Variants in HMX2 observed in about 807,000 individuals in gnomAD.
HMX2 encodes the protein homeobox protein HMX2.
In HMX2, 15 loss-of-function variants were observed where a neutral mutation model predicts 21.2. The observed-to-expected ratio is 0.71, with a 90% confidence interval of 0.47 to 1.09. The LOEUF is 1.09. Ranked by LOEUF, HMX2 falls within the 50% of genes least tolerant of loss-of-function variation. The pLI is 0.00. For synonymous variants in HMX2, 193 were observed against 181.0 expected (o/e 1.07, Z -0.53); for missense variants, 440 against 381.5 (o/e 1.15, Z -1.28).
chr10:123,149,670 C>A lies in HMX2; in HGVS notation c.369C>A (p.Leu123=), dbSNP rs1017048723. 1 of 1,563,494 alleles carries A rather than the reference C, an allele frequency of 6.4e-7. No individual in the cohort carries two copies. Residue 123 remains leucine (L), a synonymous_variant, in exon 2 of 2, where the codon CTC becomes CTA. Coordinates refer to ENST00000339992, the MANE Select transcript of HMX2 (RefSeq NM_005519.2). This position sits in a 1 kb window ranked among gnomAD's most constrained non-coding sequence, Gnocchi z 5.4. ...ACTTTAAAGAAGAGAAAGAGAGGCT[C>A]CTGCCCGCGGGCTCGCCCTCGCCGG... is the stretch of plus-strand genomic sequence containing the variant. ...HSDFKEEKER[L]LPAGSPSPGS...
chr10:123,148,910 G>A (rs1239202905), intron 1 of HMX2, among the ~76,000 whole-genome samples: 1 of 152,196 alleles, frequency 6.6e-6, no homozygotes, highest in African/African-American at 2.4e-5. Flanking sequence ...AGAGGGACAC[G>A]CGGCCGGCCT....
chr10:123,148,689 G>A (rs201780975), intron 1 of HMX2, 43 bp downstream of exon 1: 86 of 1,583,402 alleles, frequency 5.4e-5, no homozygotes, highest in Non-Finnish European at 9.4e-6. Flanking sequence ...GCGAGCGCGA[G>A]GGGAGGGAGG....
Position 123,149,479 on chromosome 10 carries a change from G to A in HMX2, c.269-91G>A. The A allele has an allele frequency of 8.9e-7, 1 of 1,123,522 alleles. No individual in the cohort carries two copies. The highest frequency in any genetic ancestry group is 2.5e-5 in the South Asian group (1 of 39,440). 69.6% of individuals were successfully genotyped at this position (1,123,522 alleles called of 1,614,324 possible). On this transcript the variant is annotated intron_variant, in intron 1 of 1. Coordinates refer to ENST00000339992, the MANE Select transcript of HMX2 (RefSeq NM_005519.2). This position sits in a 1 kb window ranked among gnomAD's most constrained non-coding sequence, Gnocchi z 5.4. ...GTAAGGTGGGACCAAGGCTGCAGGC[G>A]CTTGCCAACCGCTTGGTCCCAGGGA... is the stretch of plus-strand genomic sequence containing the variant.
rs748362508 is a variant in HMX2 at position 123,148,541 on chromosome 10, G to C, written c.163G>C (p.Glu55Gln). 3.1e-6 allele frequency: 5 copies of C among 1,613,166 alleles called. No individual in the cohort carries two copies. Among genetic ancestry groups the C allele is most frequent in the Non-Finnish European group, 4.2e-6 (5 of 1,179,768 alleles). Residue 55 changes from glutamate to glutamine, a missense_variant, in exon 1 of 2, where the codon GAG becomes CAG. Transcript: ENST00000339992. The stretch of plus-strand genomic sequence containing the variant: ...CCTGTCCGTGTCCTCGGAGGAGGAG[G>C]AGCCGGACGACGGCTGGAAGGCGCC... ...RSLSVSSEEEEPDDGWKAPAC... is the reference protein window; with the variant it reads ...RSLSVSSEEEQPDDGWKAPAC...
Position 123,149,190 on chromosome 10 carries a change from CCAAA to C in HMX2, c.269-374_269-371del, listed in dbSNP as rs1249975572. ...CCTGCGTTAGTCCTTAGCGTGATTT[CCAAA>C]CAAACGGCCTGTGAAATGATGCCAC... On this transcript the variant is annotated intron_variant, in intron 1 of 1. Coordinates refer to ENST00000339992, the MANE Select transcript of HMX2 (RefSeq NM_005519.2). The surrounding 1 kb of genome is among the most constrained non-coding windows in gnomAD (Gnocchi z 5.4). Among the ~76,000 whole-genome samples, 1 of 152,166 alleles carries C rather than the reference CCAAA, an allele frequency of 6.6e-6. No individual in the cohort carries two copies. The highest frequency in any genetic ancestry group is 1.5e-5 in the Non-Finnish European group (1 of 68,030).
intron 1 of HMX2, among the ~76,000 whole-genome samples, chr10:123,148,892 C>A (rs775059957): frequency 6.6e-6 from 1 of 152,222 alleles, no homozygotes; most frequent in Non-Finnish European, 1.5e-5. Flanking sequence ...AGAGAGTGGA[C>A]CACAGCGAGA....
chr10:123,150,239 T>C lies in HMX2; in HGVS notation c.*116T>C, dbSNP rs921834819. On this transcript the variant is annotated 3_prime_UTR_variant, in exon 2 of 2. Coordinates refer to ENST00000339992, the MANE Select transcript of HMX2 (RefSeq NM_005519.2). The surrounding 1 kb of genome is among the most constrained non-coding windows in gnomAD (Gnocchi z 4.2). Reference sequence around the variant, plus strand: ...TCCAGAAATATGAAGAAATACACCATGTGTATTCATTAGCTCTTATTTATG... The same window carrying C: ...TCCAGAAATATGAAGAAATACACCACGTGTATTCATTAGCTCTTATTTATG... 1.9e-5 allele frequency: 15 copies of C among 805,160 alleles called. No individual in the cohort carries two copies. The African/African-American group carries it at 2.4e-4, about 13-fold the overall frequency. 49.9% of individuals were successfully genotyped at this position (805,160 alleles called of 1,614,324 possible).
chr10:123,149,247 C>G lies in HMX2; in HGVS notation c.269-323C>G, dbSNP rs1050718978. Reference sequence around the variant, plus strand: ...TATAAAGCTCGAGGAACTCTTCCAGCTCAATTACCACCAAGCAAATTCGCC... The same window carrying G: ...TATAAAGCTCGAGGAACTCTTCCAGGTCAATTACCACCAAGCAAATTCGCC... On this transcript the variant is annotated intron_variant, in intron 1 of 1. Coordinates refer to ENST00000339992, the MANE Select transcript of HMX2 (RefSeq NM_005519.2). This position sits in a 1 kb window ranked among gnomAD's most constrained non-coding sequence, Gnocchi z 5.4. Among the ~76,000 whole-genome samples, 2 of 152,222 alleles carry G rather than the reference C, an allele frequency of 1.3e-5. No homozygotes were observed. The highest frequency in any genetic ancestry group is 2.9e-5 in the Non-Finnish European group (2 of 68,044).
In HMX2 at chr10:123,148,601, G is replaced by A. The variant is rs1279450047; in HGVS notation, c.223G>A (p.Glu75Lys). 1.2e-6 allele frequency: 2 copies of A among 1,612,984 alleles called. No individual in the cohort carries two copies. The highest frequency in any genetic ancestry group is 1.7e-5 in the Admixed American group (1 of 59,942). ...CTGCCCAGACCAGCACGGCCCTAAG[G>A]AGCAGGGCCCCAAGCACCATCCCCC... ...CFCPDQHGPK[E>K]QGPKHHPPIP... is the part of the protein sequence containing the mutation. The change falls in exon 1 of 2, where the codon GAG becomes AAG. Residue 75 changes from glutamate (E) to lysine (K), a missense_variant. Transcript: ENST00000339992.
chr10:123,149,059 C>T lies in HMX2; in HGVS notation c.268+413C>T, dbSNP rs1844236522. On this transcript the variant is annotated intron_variant, in intron 1 of 1. Coordinates refer to ENST00000339992, the MANE Select transcript of HMX2 (RefSeq NM_005519.2). This position sits in a 1 kb window ranked among gnomAD's most constrained non-coding sequence, Gnocchi z 5.4. ...CTTCTTCCTCACTCGCTCCGTATCT[C>T]TGCCTTTCTCTCTCTCTCCTCCTTG... Among the ~76,000 whole-genome samples, 1 of 152,236 alleles carries T rather than the reference C, an allele frequency of 6.6e-6. No homozygotes were observed. Among genetic ancestry groups the T allele is most frequent in the African/African-American group, 2.4e-5 (1 of 41,452 alleles).
rs762558295 is a variant in HMX2 at position 123,150,108 on chromosome 10, C to G, written c.807C>G (p.Asn269Lys). ...LSALPLYNLYNKLDY is the reference protein window; with the variant it reads ...LSALPLYNLYKKLDY ...CCTTACCTCTCTACAACCTATACAA[C>G]AAGCTCGACTACTGACCGGCCCGCC... The change falls in exon 2 of 2, where the codon AAC (asparagine) becomes AAG (lysine). Residue 269 changes from asparagine to lysine, a missense_variant. Coordinates refer to ENST00000339992, the MANE Select transcript of HMX2 (RefSeq NM_005519.2). This position sits in a 1 kb window ranked among gnomAD's most constrained non-coding sequence, Gnocchi z 4.2. 6.4e-7 allele frequency: 1 copy of G among 1,564,512 alleles called. No individual in the cohort carries two copies. The highest frequency in any genetic ancestry group is 1.1e-5 in the South Asian group (1 of 87,616).
At position 123,149,494 on chromosome 10, in the gene HMX2, G is replaced by C. The variant is rs993700165; in HGVS notation, c.269-76G>C. The C allele has an allele frequency of 3.9e-6, 5 of 1,274,258 alleles. No homozygotes were observed. In the African/African-American group the frequency reaches 6.2e-5, roughly 16 times the overall value. The allele number at this position is 1,274,258 out of a possible 1,614,324, so 78.9% of individuals were successfully genotyped here. ...GGCTGCAGGCGCTTGCCAACCGCTT[G>C]GTCCCAGGGAGAGCTGGCGGTCTCC... On this transcript the variant is annotated intron_variant, in intron 1 of 1. Transcript: ENST00000339992. The surrounding 1 kb of genome is among the most constrained non-coding windows in gnomAD (Gnocchi z 5.4).
intron 1 of HMX2, 87 bp downstream of exon 1, chr10:123,148,733 C>G: frequency 6.6e-7 from 1 of 1,513,350 alleles, no homozygotes; most frequent in Non-Finnish European, 8.8e-7. Context: ...GCGCCGGGCC[C>G]CCTCTGGCCA....
Position 123,148,489 on chromosome 10 carries a change from C to G in HMX2, c.111C>G (p.Pro37=), listed in dbSNP as rs375117729. 30 of 1,612,346 alleles carry G rather than the reference C, an allele frequency of 1.9e-5. No individual in the cohort carries two copies. Among genetic ancestry groups the G allele is most frequent in the Non-Finnish European group, 2.5e-5 (29 of 1,179,280 alleles). ...GGGPSEAPRE[P]VGWPARKRSL... is the part of the protein sequence containing the mutation. ...GCCCCTCGGAGGCACCGCGGGAGCC[C>G]GTCGGCTGGCCAGCCAGGAAGCGCA... Residue 37 remains proline, a synonymous_variant, in exon 1 of 2, where the codon CCC becomes CCG. Coordinates refer to ENST00000339992, the MANE Select transcript of HMX2 (RefSeq NM_005519.2).
In HMX2 at chr10:123,148,193, G is replaced by T; in HGVS notation, c.-186G>T. ...GAGCCAGGCGGGCAGGAACCCCTGC[G>T]CAGCCATCCGGTGCCTGCATGTCCC... On this transcript the variant is annotated 5_prime_UTR_variant, in exon 1 of 2. Transcript: ENST00000339992. The T allele has an allele frequency of 1.6e-6, 1 of 624,936 alleles. No individual in the cohort carries two copies. The highest frequency in any genetic ancestry group is 3.1e-5 in the East Asian group (1 of 32,546). 38.7% of individuals were successfully genotyped at this position (624,936 alleles called of 1,614,324 possible).
In HMX2 at chr10:123,148,753, C is replaced by T. The variant is rs543854209; in HGVS notation, c.268+107C>T. On this transcript the variant is annotated intron_variant, in intron 1 of 1. Transcript: ENST00000339992. Reference sequence around the variant, plus strand: ...GGGCCCCCTCTGGCCAGAGCTGCGGCAGCCGGGGGTTCGGGACCGCGGGGA... The same window carrying T: ...GGGCCCCCTCTGGCCAGAGCTGCGGTAGCCGGGGGTTCGGGACCGCGGGGA... The T allele has an allele frequency of 1.7e-4, 240 of 1,409,600 alleles. 2 individuals are homozygous for T. In the African/African-American group the frequency reaches 2.7e-3, roughly 16 times the overall value. The allele number at this position is 1,409,600 out of a possible 1,614,324, so 87.3% of individuals were successfully genotyped here.
rs1301704349 is a variant in HMX2 at position 123,149,411 on chromosome 10, C to T, written c.269-159C>T. ...CTTGTCGCTTTTAAAGGACGGGGTG[C>T]TGGGTTTGGGGGGCCAGTGAGAGGG... On this transcript the variant is annotated intron_variant, in intron 1 of 1. Transcript: ENST00000339992. The surrounding 1 kb of genome is among the most constrained non-coding windows in gnomAD (Gnocchi z 5.4). Among the ~76,000 whole-genome samples the T allele has an allele frequency of 1.3e-5, 2 of 152,090 alleles. No homozygotes were observed. Among genetic ancestry groups the T allele is most frequent in the Non-Finnish European group, 2.9e-5 (2 of 68,010 alleles).
chr10:123,150,644 A>AC lies in HMX2; in HGVS notation c.*521_*522insC, dbSNP rs1564779001. On this transcript the variant is annotated 3_prime_UTR_variant, in exon 2 of 2. Coordinates refer to ENST00000339992, the MANE Select transcript of HMX2 (RefSeq NM_005519.2). This position sits in a 1 kb window ranked among gnomAD's most constrained non-coding sequence, Gnocchi z 4.2. ...TTCAGATCTGTAAATATTTTTAAAAAGAAAAAAAAATAAAACATTTTAAAC... is the reference window on the plus strand; with the variant it reads ...TTCAGATCTGTAAATATTTTTAAAAACGAAAAAAAAATAAAACATTTTAAAC... The AC allele has an allele frequency of 6.6e-6, 1 of 151,780 alleles. No individual in the cohort carries two copies. The highest frequency in any genetic ancestry group is 2.4e-5 in the African/African-American group (1 of 41,434). The allele number at this position is 151,780 out of a possible 1,614,324, so 9.4% of individuals were successfully genotyped here.
Position 123,149,451 on chromosome 10 carries a change from T to C in HMX2, c.269-119T>C. On this transcript the variant is annotated intron_variant, in intron 1 of 1. Transcript: ENST00000339992. The surrounding 1 kb of genome is among the most constrained non-coding windows in gnomAD (Gnocchi z 5.4). ...CAGTGAGAGGGATAAGAGGAGGGGATTGGTAAGGTGGGACCAAGGCTGCAG... is the reference window on the plus strand; with the variant it reads ...CAGTGAGAGGGATAAGAGGAGGGGACTGGTAAGGTGGGACCAAGGCTGCAG... The C allele has an allele frequency of 2.7e-6, 2 of 739,690 alleles. No individual in the cohort carries two copies. The highest frequency in any genetic ancestry group is 4.0e-6 in the Non-Finnish European group (2 of 497,424). The allele number at this position is 739,690 out of a possible 1,614,324, so 45.8% of individuals were successfully genotyped here.
Sources: allele counts gnomAD v4.1 joint callset (sites outside exome capture counted in the v4.1 genomes callset), GRCh38; gene constraint gnomAD v4.1.1; non-coding constraint Gnocchi (gnomAD v3.1); transcripts MANE v1.5; gene names NCBI Gene and HGNC (gene_info 2026-07-23, HGNC 2026-07-21).